The following ZNF577 variants were observed in gnomAD, a reference collection of about 807,000 sequenced individuals.
ZNF577 encodes zinc finger protein 577.
A neutral mutation model predicts 13.9 loss-of-function variants in ZNF577; 14 were observed. The ratio of observed to expected loss-of-function variants is 1.00; its 90% confidence interval spans 0.66 to 1.57. The LOEUF is 1.57. ZNF577 is among the 40% of genes most tolerant of loss of function. The probability of loss-of-function intolerance (pLI) is 0.00; values close to 1 mark genes in which losing one functional copy is unlikely to be tolerated. For synonymous variants in ZNF577, 203 were observed against 202.9 expected (o/e 1.00, Z 0.00); for missense variants, 555 against 579.2 (o/e 0.96, Z 0.43).
intron 5 of ZNF577, among the ~76,000 whole-genome samples, chr19:51,845,140 A>G (rs2084343730): frequency 1.3e-5 from 2 of 152,216 alleles, no homozygotes; most frequent in Admixed American, 6.5e-5. Flanking sequence ...ATTACTTCAC[A>G]TACTTGCCAT....
At chr19:51,877,421 G>A in intron 4 of ZNF577, 44 bp from the exon 5 acceptor site, 2 of 1,512,048 alleles carry the variant, frequency 1.3e-6, no homozygotes, top group South Asian at 2.3e-5. Context: ...TGTGCTTGGG[G>A]AATGGATGAA....
intron 9 of ZNF577, among the ~76,000 whole-genome samples, chr19:51,816,742 A>T (rs2084140012): frequency 6.6e-6 from 1 of 152,172 alleles, no homozygotes; most frequent in Non-Finnish European, 1.5e-5. Flanking sequence ...TGTGGGAGTG[A>T]GACCTTTAAC....
intron 3 of ZNF577, 153 bp from the exon 4 acceptor site, chr19:51,878,668 T>C: frequency 1.1e-6 from 1 of 887,418 alleles, no homozygotes; most frequent in Non-Finnish European, 1.7e-6. Flanking sequence ...CCACCAATTC[T>C]GCCTACCCTA....
chr19:51,879,844 T>C (rs1160822078), intron 3 of ZNF577, among the ~76,000 whole-genome samples: 3 of 152,166 alleles, frequency 2.0e-5, no homozygotes, highest in Non-Finnish European at 2.9e-5. Flanking sequence ...ATTTCAGTAA[T>C]TAAACATAGA....
chr19:51,806,397 A>C (rs2084059100), intron 10 of ZNF577, among the ~76,000 whole-genome samples: 1 of 152,212 alleles, frequency 6.6e-6, no homozygotes. Flanking sequence ...ACTTTCAGAT[A>C]AACTTTCCTC....
At chr19:51,849,155 TTC>T (rs2122559937) in intron 5 of ZNF577, among the ~76,000 whole-genome samples, 1 of 152,326 alleles carries the variant, frequency 6.6e-6, no homozygotes, top group African/African-American at 2.4e-5. Flanking sequence ...ACACAGGTCT[TTC>T]TGTGTCATTA....
rs2084971646 is a variant in ZNF577 at position 51,887,686 on chromosome 19, G to GGAACTCCAACACGACTGCGAAAC, written c.-1107_-1085dup. ...GGAGACCATGGGCTCCCAGACTCTGGGAACTCCAACACGACTGCGAAACGA... is the reference window on the plus strand; with the variant it reads ...GGAGACCATGGGCTCCCAGACTCTGGGAACTCCAACACGACTGCGAAACGAACTCCAACACGACTGCGAAACGA... On this transcript the variant is annotated 5_prime_UTR_variant, in exon 1 of 6. Transcript: ENST00000638348. The GGAACTCCAACACGACTGCGAAAC allele has an allele frequency of 1.3e-5, 2 of 152,202 alleles. No homozygotes were observed. Among genetic ancestry groups the GGAACTCCAACACGACTGCGAAAC allele is most frequent in the East Asian group, 3.9e-4 (2 of 5,178 alleles). The allele number at this position is 152,202 out of a possible 1,614,324, so 9.4% of individuals were successfully genotyped here. A position where few individuals can be genotyped will look rare whatever the true frequency, so the allele number is the denominator to read the frequency against.
intron 10 of ZNF577, among the ~76,000 whole-genome samples, chr19:51,806,672 T>C (rs2084060992): frequency 6.6e-6 from 1 of 152,256 alleles, no homozygotes; most frequent in Non-Finnish European, 1.5e-5. Context: ...ATGACTAGTA[T>C]AAGCAGGTCC....
chr19:51,862,939 A>G (rs1175825352), downstream of ZNF577: 1 of 152,296 alleles, frequency 6.6e-6, no homozygotes, highest in African/African-American at 2.4e-5. Flanking sequence ...TTGACATAAA[A>G]TGAGTTCTGA....
chr19:51,824,020 G>A lies in ZNF577; in HGVS notation c.*600-12346C>T. 1.2e-6 allele frequency: 2 copies of A among 1,614,090 alleles called. No individual in the cohort carries two copies. The highest frequency in any genetic ancestry group is 1.7e-6 in the Non-Finnish European group (2 of 1,179,994). The stretch of plus-strand genomic sequence containing the variant: ...GTCTCAGTCGCCATGAGAGAAAAAT[G>A]GCCTTTTGGCTCATTCCTATGTAAG... On this transcript the variant is annotated intron_variant and NMD_transcript_variant, in intron 9 of 10. Transcript: ENST00000638827. The surrounding 1 kb of genome is among the most constrained non-coding windows in gnomAD (Gnocchi z 4.7).
Position 51,872,802 on chromosome 19 carries a change from G to C in ZNF577, c.1188C>G (p.Thr396=). 1 of 1,614,168 alleles carries C rather than the reference G, an allele frequency of 6.2e-7. No homozygotes were observed. The highest frequency in any genetic ancestry group is 8.5e-7 in the Non-Finnish European group (1 of 1,180,030). ...GTATGAGTTCGCTCATGTATAAGGA[G>C]GTATGACTCCTTGAGGAAGGTTTCT... is the stretch of plus-strand genomic sequence containing the variant. ...TVEKPSSRSH[T]SLYMSELIQE... is the part of the protein sequence containing the mutation. The change falls in exon 6 of 6, where the codon ACC becomes ACG. Residue 396 remains threonine, a synonymous_variant. Coordinates refer to ENST00000638348, the MANE Select transcript of ZNF577 (RefSeq NM_001370449.1).
Position 51,872,438 on chromosome 19 carries a change from C to G in ZNF577, c.*94G>C. 3.8e-6 allele frequency: 4 copies of G among 1,044,706 alleles called. No homozygotes were observed. The South Asian group carries it at 6.9e-5, about 18-fold the overall frequency. 64.7% of individuals were successfully genotyped at this position (1,044,706 alleles called of 1,614,324 possible). On this transcript the variant is annotated 3_prime_UTR_variant, in exon 6 of 6. Transcript: ENST00000638348. ...CAGAAATGTCCTCCACAACCACTGC[C>G]TCCACAGTGTTTCAGCCCTAAATGA...
intron 9 of ZNF577, among the ~76,000 whole-genome samples, chr19:51,830,670 T>C (rs1224238695): frequency 6.6e-6 from 1 of 152,226 alleles, no homozygotes; most frequent in Non-Finnish European, 1.5e-5. Flanking sequence ...TATATAATTC[T>C]CTTGGTGACA....
intron 1 of ZNF577, among the ~76,000 whole-genome samples, chr19:51,884,000 G>C (rs1214586422): frequency 6.6e-6 from 1 of 152,188 alleles, no homozygotes; most frequent in African/African-American, 2.4e-5. Context: ...CTTCAACCTG[G>C]GAAGTGGGAA....
chr19:51,854,595 A>G (rs941048227), intron 5 of ZNF577, among the ~76,000 whole-genome samples: 1 of 150,506 alleles, frequency 6.6e-6, no homozygotes, highest in Non-Finnish European at 1.5e-5. Flanking sequence ...CAGCTTCCCA[A>G]AGTACTGGGT....
chr19:51,879,500 C>T (rs947842606), intron 3 of ZNF577, among the ~76,000 whole-genome samples: 1 of 151,976 alleles, frequency 6.6e-6, no homozygotes, highest in Non-Finnish European at 1.5e-5. Context: ...GCCCAGGAGG[C>T]AGAGGTTGCA....
intron 5 of ZNF577, among the ~76,000 whole-genome samples, chr19:51,874,423 G>C (rs566152992): frequency 6.6e-6 from 1 of 150,512 alleles, no homozygotes; most frequent in South Asian, 2.1e-4. Context: ...ACAAAATAAA[G>C]AACATTCCAA....
rs1255626471 is a variant in ZNF577 at position 51,879,214 on chromosome 19, G to A, written c.61-699C>T. ...AGAGCTTGCAGGGAGCCAAGATTGCGCCACTGCACTGCAGCCTGGGCGACA... is the reference window on the plus strand; with the variant it reads ...AGAGCTTGCAGGGAGCCAAGATTGCACCACTGCACTGCAGCCTGGGCGACA... On this transcript the variant is annotated intron_variant, in intron 3 of 5. Coordinates refer to ENST00000638348, the MANE Select transcript of ZNF577 (RefSeq NM_001370449.1). Among the ~76,000 whole-genome samples, 8 of 149,414 alleles carry A rather than the reference G, an allele frequency of 5.4e-5. No homozygotes were observed. In the South Asian group the frequency reaches 6.3e-4, roughly 12 times the overall value.
intron 1 of ZNF577, among the ~76,000 whole-genome samples, chr19:51,885,048 C>T (rs1056127234): frequency 2.0e-5 from 3 of 152,190 alleles, no homozygotes; most frequent in East Asian, 1.9e-4. Flanking sequence ...GCCAACCATA[C>T]GGTGACTTTT....
Sources: allele counts gnomAD v4.1 joint callset (sites outside exome capture counted in the v4.1 genomes callset), GRCh38; gene constraint gnomAD v4.1.1; non-coding constraint Gnocchi (gnomAD v3.1); transcripts MANE v1.5; gene names NCBI Gene and HGNC (gene_info 2026-07-23, HGNC 2026-07-21).